The following GPC6 variants were observed in gnomAD, a reference collection of about 807,000 sequenced individuals.
GPC6 encodes the protein glypican 6, also known as glypican-6.
A neutral mutation model predicts 55.2 loss-of-function variants in GPC6; 14 were observed. The observed-to-expected ratio is 0.25, with a 90% CI of 0.17 to 0.40. The LOEUF is 0.40. Among genes scored for constraint, GPC6 ranks in the 10% least tolerant of loss-of-function variants. The probability of loss-of-function intolerance (pLI) is 1.00; values close to 1 mark genes in which losing one functional copy is unlikely to be tolerated. For missense variants in GPC6, 641 were observed against 708.5 expected (o/e 0.90, Z 1.08); for synonymous variants, 278 against 259.6 (o/e 1.07, Z -0.68).
intron 1 of GPC6, among the ~76,000 whole-genome samples, chr13:93,251,040 A>G (rs1388727638): frequency 1.3e-5 from 2 of 152,104 alleles, no homozygotes; most frequent in African/African-American, 2.4e-5. Context: ...ATCTCGTGAG[A>G]CTTATTCACT....
intron 1 of GPC6, among the ~76,000 whole-genome samples, chr13:93,466,461 C>T (rs1878908415): frequency 6.6e-6 from 1 of 152,188 alleles, no homozygotes; most frequent in African/African-American, 2.4e-5. Context: ...TAGCACTTAA[C>T]ACTATCCTTG....
chr13:94,110,461 G>T (rs1300380766), intron 4 of GPC6, among the ~76,000 whole-genome samples: 2 of 152,056 alleles, frequency 1.3e-5, no homozygotes, highest in Non-Finnish European at 2.9e-5. Flanking sequence ...AAATGGGGCC[G>T]AAGGGAGATC....
chr13:93,275,903 C>T (rs1358163692), intron 1 of GPC6, among the ~76,000 whole-genome samples: 1 of 152,148 alleles, frequency 6.6e-6, no homozygotes, highest in Admixed American at 6.5e-5. Flanking sequence ...AGACAAGAGT[C>T]TGGCTCTGTC....
chr13:93,990,300 G>A (rs1270808699), intron 3 of GPC6, among the ~76,000 whole-genome samples: 4 of 151,430 alleles, frequency 2.6e-5, no homozygotes, highest in Non-Finnish European at 1.5e-5. Flanking sequence ...TGCCCTTCAT[G>A]TGCAGTGAAA....
At chr13:93,261,174 C>A (rs1415611492) in intron 1 of GPC6, among the ~76,000 whole-genome samples, 1 of 152,066 alleles carries the variant, frequency 6.6e-6, no homozygotes, top group African/African-American at 2.4e-5. Flanking sequence ...AAAGCCAATT[C>A]TATGAGATAT....
Position 93,283,297 on chromosome 13 carries a change from G to A in GPC6, c.160+55681G>A, listed in dbSNP as rs571104215. Among the ~76,000 whole-genome samples, 41 of 152,164 alleles carry A rather than the reference G, an allele frequency of 2.7e-4. No individual in the cohort carries two copies. The South Asian group carries it at 8.3e-3, about 31-fold the overall frequency. On this transcript the variant is annotated intron_variant, in intron 1 of 8. Transcript: ENST00000377047. ...GATTCTTTTTTTCTCATAGAAAAGA[G>A]CTAAAAACAGGGGAAGTTGAAATTT... is the stretch of plus-strand genomic sequence containing the variant.
chr13:94,021,313 A>G (rs945921750), intron 3 of GPC6, among the ~76,000 whole-genome samples: 4 of 151,374 alleles, frequency 2.6e-5, no homozygotes, highest in Non-Finnish European at 4.4e-5. Flanking sequence ...TTGCTTATTT[A>G]ATATTTTAAG....
chr13:94,381,933 G>C (rs1218317663), intron 6 of GPC6, among the ~76,000 whole-genome samples: 2 of 152,188 alleles, frequency 1.3e-5, no homozygotes, highest in Non-Finnish European at 2.9e-5. Flanking sequence ...ATTTGCACTA[G>C]AGCATAAGTA....
intron 4 of GPC6, among the ~76,000 whole-genome samples, chr13:94,152,757 A>G (rs535637876): frequency 2.0e-5 from 3 of 152,270 alleles, no homozygotes; most frequent in Non-Finnish European, 2.9e-5. Flanking sequence ...CTAAGTGAAG[A>G]ACAGTAATTT....
rs138024098 is a variant in GPC6 at position 94,057,865 on chromosome 13, T to C, written c.877+29971T>C. Among the ~76,000 whole-genome samples the C allele has an allele frequency of 3.3e-3, 510 of 152,282 alleles. 6 individuals carry two copies. Among genetic ancestry groups the C allele is most frequent in the African/African-American group, 0.012 (497 of 41,560 alleles). The stretch of plus-strand genomic sequence containing the variant: ...ATAAAAGACAGATCATTTAGATGTA[T>C]AGATTTAAAAAGGAAACATGCTGTA... On this transcript the variant is annotated intron_variant, in intron 4 of 8. Transcript: ENST00000377047.
At chr13:93,383,671 C>A (rs1388285201) in intron 1 of GPC6, among the ~76,000 whole-genome samples, 2 of 152,038 alleles carry the variant, frequency 1.3e-5, no homozygotes, top group Non-Finnish European at 2.9e-5. Context: ...TGAATTTCCC[C>A]TAATCATGCT....
At chr13:94,025,615 A>G (rs1882867600) in intron 3 of GPC6, 1 of 152,118 alleles carries the variant, frequency 6.6e-6, no homozygotes, top group Admixed American at 6.5e-5. Context: ...GGCTCTATCT[A>G]CAAAATAGCC....
At chr13:94,192,695 C>A (rs1889437480) in intron 4 of GPC6, among the ~76,000 whole-genome samples, 1 of 152,100 alleles carries the variant, frequency 6.6e-6, no homozygotes, top group Admixed American at 6.5e-5. Flanking sequence ...AGGTACTAAC[C>A]AAAACTGCCT....
intron 3 of GPC6, among the ~76,000 whole-genome samples, chr13:93,996,424 C>A (rs1429341889): frequency 6.6e-6 from 1 of 152,098 alleles, no homozygotes; most frequent in Non-Finnish European, 1.5e-5. Flanking sequence ...TTCAATAAAA[C>A]TTTTCGAGTG....
At chr13:93,796,356 A>T (rs1886196825) in intron 2 of GPC6, among the ~76,000 whole-genome samples, 1 of 152,126 alleles carries the variant, frequency 6.6e-6, no homozygotes, top group African/African-American at 2.4e-5. Flanking sequence ...TGCTATTTTC[A>T]TTCGTAGTAT....
At chr13:93,703,908 T>C (rs1882758616) in intron 2 of GPC6, among the ~76,000 whole-genome samples, 1 of 151,978 alleles carries the variant, frequency 6.6e-6, no homozygotes, top group African/African-American at 2.4e-5. Context: ...CAAAAGTATT[T>C]GGGACTTACC....
chr13:93,295,521 CAG>C (rs1240119073), intron 1 of GPC6, among the ~76,000 whole-genome samples: 5 of 151,984 alleles, frequency 3.3e-5, no homozygotes, highest in Non-Finnish European at 7.4e-5. Flanking sequence ...GTTTTTGAGA[CAG>C]AGTCTGGAGT....
intron 2 of GPC6, among the ~76,000 whole-genome samples, chr13:93,699,172 A>T (rs997440213): frequency 2.0e-5 from 3 of 152,124 alleles, no homozygotes; most frequent in African/African-American, 4.8e-5. Context: ...TGCATGAGAA[A>T]CTACTGACCC....
intron 6 of GPC6, among the ~76,000 whole-genome samples, chr13:94,348,073 T>C (rs928264947): frequency 1.1e-4 from 17 of 152,222 alleles, no homozygotes; most frequent in Non-Finnish European, 4.4e-5. Flanking sequence ...AGCCTGGAGT[T>C]AGACATCGTC....
Sources: allele counts gnomAD v4.1 joint callset (sites outside exome capture counted in the v4.1 genomes callset), GRCh38; gene constraint gnomAD v4.1.1; transcripts MANE v1.5; gene names NCBI Gene and HGNC (gene_info 2026-07-23, HGNC 2026-07-21).